Variants in NPTN observed in about 807,000 individuals in gnomAD.
NPTN encodes the protein neuroplastin, also known as SDR-1.
NPTN carries 5 observed loss-of-function variants against 42.7 expected under a neutral mutation model. The observed-to-expected ratio is 0.12, with a 90% CI of 0.06 to 0.25. The LOEUF (loss-of-function observed/expected upper bound fraction) is 0.25. NPTN is among the 10% of genes least tolerant of loss of function. The pLI, the probability that NPTN is intolerant of heterozygous loss-of-function variation, is 1.00. For synonymous variants in NPTN, 180 were observed against 201.9 expected (o/e 0.89, Z 0.92); for missense variants, 307 against 525.4 (o/e 0.58, Z 4.06).
chr15:73,585,465 G>A (rs950119297), intron 4 of NPTN, among the ~76,000 whole-genome samples: 3 of 152,204 alleles, frequency 2.0e-5, no homozygotes, highest in African/African-American at 7.2e-5. Context: ...CACAATTGGA[G>A]GTTAGCTTAG....
rs139176581 is a variant in NPTN, at chr15:73,605,394, C to T, written c.92-8025G>A. ...TTCTGGTTAAAAAAAAAAAATCTTA[C>T]AAAAATAGAACCTGACATCAGACCT... On this transcript the variant is annotated intron_variant, in intron 1 of 8. Transcript: ENST00000345330. 2.5e-4 allele frequency among the ~76,000 whole-genome samples: 38 copies of T among 151,526 alleles called. 1 individual carries two copies. In the East Asian group the frequency reaches 6.6e-3, roughly 26 times the overall value.
In NPTN at chr15:73,569,883, G is replaced by A. The variant is rs1895263085; in HGVS notation, c.1114+267C>T. On this transcript the variant is annotated intron_variant, in intron 6 of 8. Transcript: ENST00000345330. This position sits in a 1 kb window ranked among gnomAD's most constrained non-coding sequence, Gnocchi z 4.1. ...ACCACATGGGGCCTGAAAGGCAGAT[G>A]GGACTAGGGTTTGGAAAACACCCAA... 1.1e-6 allele frequency: 1 copy of A among 902,274 alleles called. No homozygotes were observed. The highest frequency in any genetic ancestry group is 1.8e-5 in the African/African-American group (1 of 55,586). The allele number at this position is 902,274 out of a possible 1,614,324, so 55.9% of individuals were successfully genotyped here.
At chr15:73,576,290 G>A (rs1329299087) in intron 4 of NPTN, among the ~76,000 whole-genome samples, 2 of 152,136 alleles carry the variant, frequency 1.3e-5, no homozygotes. Context: ...AGAAAATAAG[G>A]GAGTATATAC....
Position 73,569,417 on chromosome 15 carries a change from C to T in NPTN, c.1114+733G>A. ...GCTGTGGTTCTGCTGCTACCATCTC[C>T]TCCCTTCTCTGACCCTAGGCCAGCT... On this transcript the variant is annotated intron_variant, in intron 6 of 8. Coordinates refer to ENST00000345330, the MANE Select transcript of NPTN (RefSeq NM_012428.4). The surrounding 1 kb of genome is among the most constrained non-coding windows in gnomAD (Gnocchi z 4.1). 1 of 985,910 alleles carries T rather than the reference C, an allele frequency of 1.0e-6. No homozygotes were observed. The highest frequency in any genetic ancestry group is 4.7e-5 in the South Asian group (1 of 21,300). The allele number at this position is 985,910 out of a possible 1,614,324, so 61.1% of individuals were successfully genotyped here.
At position 73,563,252 on chromosome 15, in the gene NPTN, C is replaced by T; in HGVS notation, c.1120G>A (p.Glu374Lys). 1 of 1,608,726 alleles carries T rather than the reference C, an allele frequency of 6.2e-7. No individual in the cohort carries two copies. Among genetic ancestry groups the T allele is most frequent in the Non-Finnish European group, 8.5e-7 (1 of 1,175,272 alleles). The change falls in exon 7 of 9, where the codon GAA (glutamate) becomes AAA (lysine). Residue 374 changes from glutamate (E) to lysine (K), a missense_variant. Transcript: ENST00000345330. ...AGTACTTACATTGGTCCAGCTGGTT[C>T]ATCATCTACATGGTGTTCAGTTTTT... ...KRPDEVPDDD[E>K]PAGPMKTNST... is the part of the protein sequence containing the mutation.
chr15:73,562,627 T>G (rs1301286346), intron 7 of NPTN, among the ~76,000 whole-genome samples: 1 of 152,226 alleles, frequency 6.6e-6, no homozygotes, highest in Non-Finnish European at 1.5e-5. Context: ...GATCTTAGAT[T>G]GATTCCATAC....
intron 1 of NPTN, among the ~76,000 whole-genome samples, chr15:73,609,600 C>T (rs1340348583): frequency 2.0e-5 from 3 of 152,188 alleles, no homozygotes; most frequent in Admixed American, 2.0e-4. Context: ...CATTGTACTC[C>T]AGCCTGGGTG....
At position 73,592,079 on chromosome 15, in the gene NPTN, G is replaced by A. The variant is rs761251514; in HGVS notation, c.498C>T (p.Val166=). The A allele has an allele frequency of 6.2e-7, 1 of 1,614,072 alleles. No homozygotes were observed. The highest frequency in any genetic ancestry group is 1.1e-5 in the South Asian group (1 of 91,072). The change falls in exon 3 of 9, where the codon GTC becomes GTT. Residue 166 remains valine (V), a synonymous_variant. Coordinates refer to ENST00000345330, the MANE Select transcript of NPTN (RefSeq NM_012428.4). ...TGGAGGTGAGGTTACACTGCAGGGTGACAGGGAGAACAGGGCTGTCTCGAA... is the reference window on the plus strand; with the variant it reads ...TGGAGGTGAGGTTACACTGCAGGGTAACAGGGAGAACAGGGCTGTCTCGAA... ...VIIRDSPVLP[V]TLQCNLTSSS...
At chr15:73,589,440 C>T (rs1480517967) in intron 3 of NPTN, among the ~76,000 whole-genome samples, 5 of 152,154 alleles carry the variant, frequency 3.3e-5, no homozygotes, top group African/African-American at 1.2e-4. Context: ...GGGTCAACTA[C>T]ACATCAACTC....
intron 4 of NPTN, among the ~76,000 whole-genome samples, chr15:73,584,764 TAAAAAA>T (rs55815192): frequency 8.1e-6 from 1 of 122,902 alleles, no homozygotes; most frequent in South Asian, 2.6e-4. Flanking sequence ...TTGTGTCCTT[TAAAAAA>T]AAAAAAAAAA....
intron 2 of NPTN, among the ~76,000 whole-genome samples, chr15:73,596,200 A>G (rs1288309533): frequency 6.6e-6 from 1 of 152,238 alleles, no homozygotes; most frequent in Non-Finnish European, 1.5e-5. Flanking sequence ...CTAACAGCAA[A>G]ACATAAGAAG....
At chr15:73,615,473 A>G (rs1047676201) in intron 1 of NPTN, among the ~76,000 whole-genome samples, 1 of 152,184 alleles carries the variant, frequency 6.6e-6, no homozygotes, top group African/African-American at 2.4e-5. Flanking sequence ...GTATACTTCC[A>G]GAGCTTGCAA....
chr15:73,576,664 G>C (rs1341800321), intron 4 of NPTN, among the ~76,000 whole-genome samples: 1 of 152,126 alleles, frequency 6.6e-6, no homozygotes, highest in African/African-American at 2.4e-5. Flanking sequence ...GGAACCCCAA[G>C]TTATCTTGGG....
chr15:73,605,218 T>C (rs1284828565), intron 1 of NPTN, among the ~76,000 whole-genome samples: 2 of 151,996 alleles, frequency 1.3e-5, no homozygotes, highest in African/African-American at 4.8e-5. Context: ...GAGGGGGATG[T>C]CTACTGGACT....
intron 1 of NPTN, among the ~76,000 whole-genome samples, chr15:73,618,856 C>A (rs1367995468): frequency 6.6e-6 from 1 of 151,744 alleles, no homozygotes; most frequent in Non-Finnish European, 1.5e-5. Context: ...AACAAAAACA[C>A]CTCCCTGGGC....
At chr15:73,580,425 T>C (rs1895941768) in intron 4 of NPTN, among the ~76,000 whole-genome samples, 1 of 95,700 alleles carries the variant, frequency 1.0e-5, no homozygotes, top group Non-Finnish European at 2.2e-5. Context: ...ATATATAATA[T>C]ATATATAATA....
Position 73,633,293 on chromosome 15 carries a change from G to C in NPTN, c.-78C>G, listed in dbSNP as rs1595984679. On this transcript the variant is annotated 5_prime_UTR_variant, in exon 1 of 9. Coordinates refer to ENST00000345330, the MANE Select transcript of NPTN (RefSeq NM_012428.4). ...GGGGAAGGGAGGGGAGGGAGGGAGG[G>C]GGCGGGCGAGTGCGCGAGGGAGTGA... The C allele has an allele frequency of 9.9e-7, 1 of 1,009,090 alleles. No homozygotes were observed. The highest frequency in any genetic ancestry group is 1.7e-5 in the African/African-American group (1 of 59,282). 62.5% of individuals were successfully genotyped at this position (1,009,090 alleles called of 1,614,324 possible).
chr15:73,611,342 C>T (rs1354518732), intron 1 of NPTN, among the ~76,000 whole-genome samples: 1 of 152,086 alleles, frequency 6.6e-6, no homozygotes, highest in Non-Finnish European at 1.5e-5. Context: ...CTATCAAGAA[C>T]ATTTTCTTAA....
chr15:73,621,024 T>C (rs1467624455), intron 1 of NPTN, among the ~76,000 whole-genome samples: 3 of 152,190 alleles, frequency 2.0e-5, no homozygotes, highest in African/African-American at 7.2e-5. Context: ...TGTAGGTAGG[T>C]CAAAACATCT....
Sources: gnomAD v4.1 joint callset for allele counts (sites outside exome capture counted in the v4.1 genomes callset) on GRCh38, gnomAD v4.1.1 for gene constraint, Gnocchi (gnomAD v3.1) non-coding constraint, MANE v1.5 for transcripts, NCBI Gene and HGNC (gene_info 2026-07-23, HGNC 2026-07-21) for gene names.